CERS6: variants seen among roughly 807,000 people sequenced by gnomAD.
The protein encoded by CERS6 is ceramide synthase 6, also known as LAG1 homolog, ceramide synthase 6.
In CERS6, 26 loss-of-function variants were observed where a neutral mutation model predicts 56.8. The ratio of observed to expected loss-of-function variants is 0.46; its 90% CI spans 0.34 to 0.63. The LOEUF is 0.63. Among genes scored for constraint, CERS6 ranks in the 30% least tolerant of loss-of-function variants. The pLI is 0.01. For missense variants in CERS6, 415 were observed against 467.5 expected (o/e 0.89, Z 1.04); for synonymous variants, 164 against 173.3 (o/e 0.95, Z 0.42).
chr2:168,769,293 C>T (rs1684804716), intron 9 of CERS6, among the ~76,000 whole-genome samples: 1 of 152,116 alleles, frequency 6.6e-6, no homozygotes, highest in African/African-American at 2.4e-5. Flanking sequence ...GAAGTCTAGC[C>T]CTCCATGATA....
intron 1 of CERS6, among the ~76,000 whole-genome samples, chr2:168,545,054 A>G (rs1000181856): frequency 6.6e-6 from 1 of 151,994 alleles, no homozygotes; most frequent in African/African-American, 2.4e-5. Context: ...TTTTAGGCAA[A>G]GAGACTCTAT....
chr2:168,659,027 C>G (rs1057371356), intron 4 of CERS6, among the ~76,000 whole-genome samples: 1 of 152,186 alleles, frequency 6.6e-6, no homozygotes, highest in Non-Finnish European at 1.5e-5. Flanking sequence ...GTGAGGACTT[C>G]TAGGAGAAAT....
At chr2:168,688,969 G>A (rs1686427653) in intron 4 of CERS6, among the ~76,000 whole-genome samples, 1 of 152,126 alleles carries the variant, frequency 6.6e-6, no homozygotes, top group Admixed American at 6.5e-5. Flanking sequence ...AGTTCTGAAC[G>A]ACGGATTTTT....
intron 3 of CERS6, among the ~76,000 whole-genome samples, chr2:168,595,042 G>C (rs1241456097): frequency 6.6e-6 from 1 of 152,196 alleles, no homozygotes; most frequent in African/African-American, 2.4e-5. Flanking sequence ...CTGGCTTGCA[G>C]CTGACTCTTA....
intron 4 of CERS6, among the ~76,000 whole-genome samples, chr2:168,646,366 C>T (rs1287510868): frequency 6.6e-6 from 1 of 151,862 alleles, no homozygotes; most frequent in Admixed American, 6.6e-5. Flanking sequence ...TGTTGATTTT[C>T]TTTGCCCACT....
Position 168,769,655 on chromosome 2 carries a change from A to T in CERS6, c.1148A>T (p.Asp383Val). The T allele has an allele frequency of 6.2e-7, 1 of 1,610,116 alleles. No homozygotes were observed. The highest frequency in any genetic ancestry group is 8.5e-7 in the Non-Finnish European group (1 of 1,178,774). Residue 383 changes from aspartate to valine, a missense_variant, in exon 10 of 10, where the codon GAT (aspartate) becomes GTT (valine). Asp to Val is a radical substitution (Grantham distance 152). Transcript: ENST00000305747. ...CTCCTGACTGGCTCCTGCTCCATGG[A>T]TGATTAATTACTCAAAACTACAAGT... The part of the protein sequence containing the change: ...GYLLTGSCSM[D>V]D
At position 168,771,654 on chromosome 2, in the gene CERS6, G is replaced by C. The variant is rs910723874; in HGVS notation, c.*1992G>C. The C allele has an allele frequency of 1.3e-5, 2 of 152,124 alleles. No individual in the cohort carries two copies. Among genetic ancestry groups the C allele is most frequent in the African/African-American group, 4.8e-5 (2 of 41,438 alleles). The allele number at this position is 152,124 out of a possible 1,614,324, so 9.4% of individuals were successfully genotyped here. A position where few individuals can be genotyped will look rare whatever the true frequency, so the allele number is the denominator to read the frequency against. ...GGTAAAAGTTTCTTAATTAAAATAT[G>C]AACATATTTAGCTTGCTTTAGTGTC... On this transcript the variant is annotated 3_prime_UTR_variant, in exon 10 of 10. Coordinates refer to ENST00000305747, the MANE Select transcript of CERS6 (RefSeq NM_203463.3).
chr2:168,759,671 G>C (rs897868909), intron 8 of CERS6, among the ~76,000 whole-genome samples: 4 of 151,996 alleles, frequency 2.6e-5, no homozygotes, highest in Non-Finnish European at 5.9e-5. Context: ...ACCTTTTATG[G>C]GTTCTTTATC....
intron 1 of CERS6, among the ~76,000 whole-genome samples, chr2:168,503,832 A>T (rs1443094820): frequency 6.6e-6 from 1 of 152,194 alleles, no homozygotes; most frequent in Non-Finnish European, 1.5e-5. Flanking sequence ...AGGAAACTTT[A>T]AACAAAGCAT....
intron 3 of CERS6, among the ~76,000 whole-genome samples, chr2:168,605,897 G>T (rs1684040440): frequency 6.6e-6 from 1 of 152,222 alleles, no homozygotes; most frequent in African/African-American, 2.4e-5. Context: ...TGCAGGGACA[G>T]AGCCCTCATG....
intron 1 of CERS6, among the ~76,000 whole-genome samples, chr2:168,543,354 C>T (rs867773301): frequency 3.3e-5 from 5 of 152,100 alleles, no homozygotes; most frequent in South Asian, 2.1e-4. Flanking sequence ...TTACATTTGT[C>T]GATGTGTTAC....
intron 1 of CERS6, among the ~76,000 whole-genome samples, chr2:168,494,418 T>C (rs1694427367): frequency 6.6e-6 from 1 of 152,214 alleles, no homozygotes; most frequent in Non-Finnish European, 1.5e-5. Context: ...ATCTGTGAAA[T>C]GAGGATAAAA....
chr2:168,733,628 C>T (rs778981594), intron 8 of CERS6, among the ~76,000 whole-genome samples: 1 of 152,016 alleles, frequency 6.6e-6, no homozygotes, highest in African/African-American at 2.4e-5. Flanking sequence ...TTACAGTAGA[C>T]GAGTATATAA....
chr2:168,737,246 TGA>T (rs1435181849), intron 8 of CERS6, among the ~76,000 whole-genome samples: 3 of 152,102 alleles, frequency 2.0e-5, no homozygotes, highest in African/African-American at 7.2e-5. Context: ...AAAAACACAA[TGA>T]AAACCTTTCA....
At chr2:168,508,404 C>T (rs955639753) in intron 1 of CERS6, among the ~76,000 whole-genome samples, 8 of 152,154 alleles carry the variant, frequency 5.3e-5, no homozygotes, top group African/African-American at 1.9e-4. Flanking sequence ...AAGTCAAGTT[C>T]ACTTTCTCCC....
chr2:168,754,768 T>TGAACA (rs1366765288), intron 8 of CERS6, among the ~76,000 whole-genome samples: 1 of 152,232 alleles, frequency 6.6e-6, no homozygotes, highest in Non-Finnish European at 1.5e-5. Context: ...ATTCTCTGTT[T>TGAACA]GTTTTTTTGA....
intron 8 of CERS6, among the ~76,000 whole-genome samples, chr2:168,748,160 A>G (rs1378609089): frequency 3.9e-5 from 6 of 152,230 alleles, no homozygotes; most frequent in South Asian, 2.1e-4. Flanking sequence ...CAGATGGCCA[A>G]TGGTGTGTAG....
intron 1 of CERS6, among the ~76,000 whole-genome samples, chr2:168,543,431 C>T (rs529534832): frequency 6.6e-6 from 1 of 152,086 alleles, no homozygotes; most frequent in South Asian, 2.1e-4. Flanking sequence ...TTATGAAAGA[C>T]AGCCTTTGTG....
intron 3 of CERS6, among the ~76,000 whole-genome samples, chr2:168,571,490 A>G (rs1574072933): frequency 6.6e-6 from 1 of 152,232 alleles, no homozygotes; most frequent in Admixed American, 6.5e-5. Context: ...GGACTAAGTA[A>G]CAGGGTATCA....
Sources: allele counts gnomAD v4.1 joint callset (sites outside exome capture counted in the v4.1 genomes callset), GRCh38; gene constraint gnomAD v4.1.1; transcripts MANE v1.5; gene names NCBI Gene and HGNC (gene_info 2026-07-23, HGNC 2026-07-21).